The following FBXL13 variants were observed in gnomAD, a reference collection of about 807,000 sequenced individuals.
FBXL13 encodes the protein F-box and leucine-rich repeat protein 13.
A neutral mutation model predicts 83.6 loss-of-function variants in FBXL13; 67 were observed. The observed-to-expected ratio is 0.80, with a 90% CI of 0.66 to 0.98. The LOEUF is 0.98. Ranked by LOEUF, FBXL13 falls within the 50% of genes least tolerant of loss-of-function variation. The pLI, the probability that FBXL13 is intolerant of heterozygous loss-of-function variation, is 0.00. For synonymous variants in FBXL13, 272 were observed against 299.5 expected, an observed-to-expected ratio of 0.91 and a Z score of 0.95; for missense variants, 822 against 866.5, an observed-to-expected ratio of 0.95 and a Z score of 0.64.
At chr7:103,006,815 G>T (rs1791039261) in intron 6 of FBXL13, among the ~76,000 whole-genome samples, 1 of 151,922 alleles carries the variant, frequency 6.6e-6, no homozygotes, top group Admixed American at 6.6e-5. Context: ...CTAGTAAACA[G>T]ATTCTTTAAA....
At chr7:103,041,724 CAT>C (rs1472674876) in intron 2 of FBXL13, among the ~76,000 whole-genome samples, 1 of 152,214 alleles carries the variant, frequency 6.6e-6, no homozygotes, top group Non-Finnish European at 1.5e-5. Flanking sequence ...ACAAAAACCA[CAT>C]GATTATCTCA....
intron 6 of FBXL13, among the ~76,000 whole-genome samples, chr7:102,979,180 C>CA (rs1421848137): frequency 6.6e-6 from 1 of 152,128 alleles, no homozygotes; most frequent in African/African-American, 2.4e-5. Context: ...CTTACCTCCC[C>CA]AAGAAAGTCA....
chr7:103,055,553 T>C (rs930898031), intron 2 of FBXL13, 91 bp downstream of exon 2: 18 of 472,926 alleles, frequency 3.8e-5, no homozygotes, highest in Non-Finnish European at 6.3e-5. Context: ...ATTGGAAGCA[T>C]TCATTGGCAA....
intron 8 of FBXL13, among the ~76,000 whole-genome samples, chr7:102,956,139 A>G (rs1460102158): frequency 6.6e-6 from 1 of 152,138 alleles, no homozygotes; most frequent in Non-Finnish European, 1.5e-5. Flanking sequence ...CCTCAATAAA[A>G]TACTGGCAAA....
chr7:102,939,436 A>G (rs1408929711), intron 8 of FBXL13: 1 of 1,604,342 alleles, frequency 6.2e-7, no homozygotes, highest in Admixed American at 1.8e-5. Context: ...CCAGAGTTGA[A>G]AAAAGTGCCA....
chr7:103,055,720 A>C (rs1484964873), exon 2 of FBXL13: 2 of 1,284,222 alleles, frequency 1.6e-6, no homozygotes, highest in African/African-American at 3.0e-5. Context: ...TCCTCAGGAC[A>C]TGTAACAAGT....
intron 10 of FBXL13, among the ~76,000 whole-genome samples, chr7:102,923,078 GAT>G (rs1817399221): frequency 6.6e-6 from 1 of 152,202 alleles, no homozygotes; most frequent in African/African-American, 2.4e-5. Context: ...GACACAAGGT[GAT>G]ATATGTCAAA....
intron 14 of FBXL13, among the ~76,000 whole-genome samples, chr7:102,878,808 T>C (rs1253252834): frequency 6.6e-6 from 1 of 151,870 alleles, no homozygotes; most frequent in African/African-American, 2.4e-5. Flanking sequence ...CTTAGGAGAG[T>C]GAGAACCAAG....
At chr7:102,825,513 T>A (rs1478704524) in intron 18 of FBXL13, among the ~76,000 whole-genome samples, 1 of 152,214 alleles carries the variant, frequency 6.6e-6, no homozygotes, top group Non-Finnish European at 1.5e-5. Flanking sequence ...TATTACTAAA[T>A]TTTGTTCTTA....
intron 17 of FBXL13, among the ~76,000 whole-genome samples, chr7:102,845,203 T>C (rs1230834436): frequency 2.6e-5 from 4 of 152,162 alleles, no homozygotes; most frequent in African/African-American, 7.2e-5. Context: ...AATCGTGGCC[T>C]GGCCTTTCTC....
At chr7:102,900,573 C>T (rs560338059) in intron 11 of FBXL13, among the ~76,000 whole-genome samples, 3 of 152,260 alleles carry the variant, frequency 2.0e-5, no homozygotes, top group African/African-American at 4.8e-5. Flanking sequence ...TTGTACTACA[C>T]CCAGAGCTGA....
chr7:102,863,479 GTA>G (rs1807165770), intron 16 of FBXL13, among the ~76,000 whole-genome samples: 1 of 147,532 alleles, frequency 6.8e-6, no homozygotes, highest in African/African-American at 2.6e-5. Flanking sequence ...ATAAAACAGA[GTA>G]TAAGTTTTTG....
intron 10 of FBXL13, among the ~76,000 whole-genome samples, chr7:102,922,950 C>T (rs1026681298): frequency 2.6e-5 from 4 of 152,034 alleles, no homozygotes; most frequent in Non-Finnish European, 4.4e-5. Flanking sequence ...TGCACTCCAG[C>T]CTGGGCGACA....
At chr7:102,934,353 A>C in intron 8 of FBXL13, 1 of 1,614,106 alleles carries the variant, frequency 6.2e-7, no homozygotes, top group Non-Finnish European at 8.5e-7. Context: ...TTGACGGAGG[A>C]AGTGTTCATT....
At chr7:103,047,614 T>A (rs578028235) in intron 2 of FBXL13, among the ~76,000 whole-genome samples, 1 of 152,380 alleles carries the variant, frequency 6.6e-6, no homozygotes, top group African/African-American at 2.4e-5. Flanking sequence ...TTCTGTGATA[T>A]ACAATAACTT....
intron 6 of FBXL13, among the ~76,000 whole-genome samples, chr7:103,023,351 C>T (rs1793449386): frequency 6.6e-6 from 1 of 152,090 alleles, no homozygotes; most frequent in East Asian, 1.9e-4. Context: ...CAAACAAACA[C>T]TTCTTAGAAG....
intron 16 of FBXL13, among the ~76,000 whole-genome samples, chr7:102,867,668 C>CATATATATATATATATATATAT (rs200661242): frequency 1.4e-5 from 1 of 72,648 alleles, no homozygotes; most frequent in Non-Finnish European, 2.2e-5. Flanking sequence ...TAGACTTAGA[C>CATATATATATATATATATATAT]ATATATATAT....
intron 6 of FBXL13, among the ~76,000 whole-genome samples, chr7:102,969,815 G>T (rs1360522116): frequency 1.0e-5 from 1 of 99,516 alleles, no homozygotes; most frequent in African/African-American, 4.0e-5. Context: ...GAAGGGAAAG[G>T]AAAGGGAGGA....
intron 2 of FBXL13, among the ~76,000 whole-genome samples, chr7:103,040,150 C>CA (rs1291050754): frequency 4.6e-5 from 7 of 150,674 alleles, no homozygotes; most frequent in East Asian, 3.9e-4. Context: ...AAATGGAAAG[C>CA]AAAAAAAAGC....
Sources: gnomAD v4.1 joint callset for allele counts (sites outside exome capture counted in the v4.1 genomes callset) on GRCh38, gnomAD v4.1.1 for gene constraint, MANE v1.5 for transcripts, NCBI Gene and HGNC (gene_info 2026-07-23, HGNC 2026-07-21) for gene names.